Variants in SPATA16 observed in about 807,000 individuals in gnomAD.
SPATA16 encodes the protein spermatogenesis-associated protein 16.
Under a neutral mutation model 63.3 loss-of-function variants are expected in SPATA16, and 36 were observed. That is an observed-to-expected ratio of 0.57 (90% confidence interval 0.44 to 0.75). SPATA16 has a LOEUF of 0.75. Ranked by LOEUF, SPATA16 falls within the 30% of genes least tolerant of loss-of-function variation. SPATA16 has a pLI of 0.00. For synonymous variants in SPATA16, 203 were observed against 216.7 expected (o/e 0.94, Z 0.56); for missense variants, 646 against 679.3 (o/e 0.95, Z 0.54).
chr3:173,100,741 A>G (rs1379522804), intron 2 of SPATA16, among the ~76,000 whole-genome samples: 1 of 151,592 alleles, frequency 6.6e-6, no homozygotes, highest in East Asian at 1.9e-4. Context: ...TTTTACAATT[A>G]ATTTTAAAAA....
At chr3:172,969,233 T>C (rs1426332019) in intron 5 of SPATA16, among the ~76,000 whole-genome samples, 2 of 152,086 alleles carry the variant, frequency 1.3e-5, no homozygotes, top group East Asian at 1.9e-4. Flanking sequence ...CTGTTAACAA[T>C]GGAAAACATA....
At chr3:172,926,530 AC>A (rs1478001742) in intron 6 of SPATA16, among the ~76,000 whole-genome samples, 1 of 152,214 alleles carries the variant, frequency 6.6e-6, no homozygotes, top group Non-Finnish European at 1.5e-5. Context: ...AACTTGCCCA[AC>A]AGCACAGCTC....
At chr3:173,065,735 C>G (rs1736503395) in intron 2 of SPATA16, among the ~76,000 whole-genome samples, 1 of 152,180 alleles carries the variant, frequency 6.6e-6, no homozygotes, top group African/African-American at 2.4e-5. Context: ...TGCATTGAAA[C>G]TCAGTGCTGC....
chr3:172,961,463 C>T (rs9867462), intron 5 of SPATA16, among the ~76,000 whole-genome samples: 1,938 of 151,542 alleles, frequency 0.013, 18 homozygotes, highest in Non-Finnish European at 0.018. Context: ...GGTGTGATCT[C>T]GGCTCACTGC....
intron 6 of SPATA16, among the ~76,000 whole-genome samples, chr3:172,926,972 C>T (rs1001914056): frequency 1.9e-4 from 29 of 152,164 alleles, no homozygotes; most frequent in African/African-American, 6.8e-4. Flanking sequence ...AAAATATTAA[C>T]GTAGACTCAG....
chr3:173,017,466 A>G (rs1488469545), intron 4 of SPATA16, among the ~76,000 whole-genome samples: 2 of 152,166 alleles, frequency 1.3e-5, no homozygotes, highest in African/African-American at 4.8e-5. Context: ...TTATGTCATT[A>G]CTTTGGCTCC....
At chr3:173,024,092 C>T (rs184124761) in intron 3 of SPATA16, among the ~76,000 whole-genome samples, 22 of 151,214 alleles carry the variant, frequency 1.5e-4, no homozygotes, top group Admixed American at 1.3e-3. Context: ...CATGTATGCA[C>T]AATAGGTATG....
intron 6 of SPATA16, among the ~76,000 whole-genome samples, chr3:172,931,535 A>G (rs745482703): frequency 6.6e-6 from 1 of 152,208 alleles, no homozygotes; most frequent in East Asian, 1.9e-4. Flanking sequence ...GGTGTGAGCC[A>G]CTGTGCCTGG....
At chr3:173,068,402 C>A (rs933650714) in intron 2 of SPATA16, among the ~76,000 whole-genome samples, 1 of 152,008 alleles carries the variant, frequency 6.6e-6, no homozygotes, top group African/African-American at 2.4e-5. Context: ...TTTGTTTTTT[C>A]TTTTCCTTGT....
chr3:173,102,882 A>C (rs1285787345), intron 2 of SPATA16, among the ~76,000 whole-genome samples: 1 of 152,216 alleles, frequency 6.6e-6, no homozygotes, highest in Non-Finnish European at 1.5e-5. Flanking sequence ...GTTCCTTCCA[A>C]TATGAGCCTG....
At chr3:173,018,202 A>G (rs1336518405) in intron 4 of SPATA16, among the ~76,000 whole-genome samples, 1 of 151,990 alleles carries the variant, frequency 6.6e-6, no homozygotes. Context: ...TTCCATATCT[A>G]TTTAACTGAG....
Position 172,924,335 on chromosome 3 carries a change from A to G in SPATA16, c.1229-18T>C. ...TTTATGCTCTAAAAATTGTAACAATAAACTTTTATACTATTTTCTCCAGAC... is the reference window on the plus strand; with the variant it reads ...TTTATGCTCTAAAAATTGTAACAATGAACTTTTATACTATTTTCTCCAGAC... On this transcript the variant is annotated intron_variant, in intron 7 of 10. Transcript: ENST00000351008. 6.4e-7 allele frequency: 1 copy of G among 1,572,632 alleles called. No individual in the cohort carries two copies. Among genetic ancestry groups the G allele is most frequent in the Non-Finnish European group, 8.7e-7 (1 of 1,144,538 alleles).
rs1264165782 is a variant in SPATA16 at position 172,952,713 on chromosome 3, G to A, written c.1081+3964C>T. On this transcript the variant is annotated intron_variant, in intron 6 of 10. Transcript: ENST00000351008. ...TCCCAGCACTTTGGGAGGCCAAGGT[G>A]GGTGGATCATGAGGTCAAGAGATTG... is the stretch of plus-strand genomic sequence containing the variant. Among the ~76,000 whole-genome samples the A allele has an allele frequency of 3.3e-5, 5 of 152,204 alleles. No homozygotes were observed. The East Asian group carries it at 9.7e-4, about 29-fold the overall frequency.
At chr3:172,894,094 C>T (rs1731953478) in intron 10 of SPATA16, among the ~76,000 whole-genome samples, 1 of 151,982 alleles carries the variant, frequency 6.6e-6, no homozygotes. Flanking sequence ...GCAGTTTGGA[C>T]CAAAATCCTC....
intron 5 of SPATA16, among the ~76,000 whole-genome samples, chr3:172,969,569 GT>G (rs1159590961): frequency 1.3e-5 from 2 of 152,136 alleles, no homozygotes; most frequent in African/African-American, 4.8e-5. Context: ...GCTTTTCTAA[GT>G]GACTCTGATG....
chr3:173,094,146 G>C (rs1444679216), intron 2 of SPATA16, among the ~76,000 whole-genome samples: 1 of 151,602 alleles, frequency 6.6e-6, no homozygotes, highest in Non-Finnish European at 1.5e-5. Flanking sequence ...GTGCAATCTG[G>C]CTTAATCACT....
intron 2 of SPATA16, among the ~76,000 whole-genome samples, chr3:173,058,351 A>G (rs1369973905): frequency 6.6e-6 from 1 of 152,158 alleles, no homozygotes; most frequent in East Asian, 1.9e-4. Flanking sequence ...AGCCGTGTGT[A>G]TACATCTTGC....
chr3:173,024,460 C>A (rs1735406225), intron 3 of SPATA16, among the ~76,000 whole-genome samples: 1 of 150,902 alleles, frequency 6.6e-6, no homozygotes, highest in Non-Finnish European at 1.5e-5. Context: ...TAAAAATATT[C>A]TTTGAATCTA....
intron 2 of SPATA16, among the ~76,000 whole-genome samples, chr3:173,060,488 A>G (rs1385785742): frequency 6.6e-6 from 1 of 152,214 alleles, no homozygotes; most frequent in African/African-American, 2.4e-5. Context: ...CCAATATGAG[A>G]TAAGATCAAA....
Sources: gnomAD v4.1 joint callset for allele counts (sites outside exome capture counted in the v4.1 genomes callset) on GRCh38, gnomAD v4.1.1 for gene constraint, MANE v1.5 for transcripts, NCBI Gene and HGNC (gene_info 2026-07-23, HGNC 2026-07-21) for gene names.